AKAP13: variants seen among roughly 807,000 people sequenced by gnomAD.
AKAP13 encodes the protein A-kinase anchor protein 13.
A neutral mutation model predicts 264.5 loss-of-function variants in AKAP13; 80 were observed. The observed-to-expected ratio is 0.30, with a 90% confidence interval of 0.25 to 0.36. AKAP13 has a LOEUF of 0.36. AKAP13 is among the 10% of genes least tolerant of loss of function. AKAP13 has a pLI of 1.00. For missense variants in AKAP13, 3,712 were observed against 3,435.2 expected (o/e 1.08, Z -2.01); for synonymous variants, 1,380 against 1,250.2 (o/e 1.10, Z -2.19).
intron 1 of AKAP13, among the ~76,000 whole-genome samples, chr15:85,435,501 A>G (rs1160643906): frequency 2.2e-4 from 16 of 74,186 alleles, no homozygotes; most frequent in African/African-American, 8.8e-4. Flanking sequence ...AGCAACTCCA[A>G]GACACATAAT....
chr15:85,657,950 A>AT (rs1663739975), intron 11 of AKAP13, among the ~76,000 whole-genome samples: 1 of 152,128 alleles, frequency 6.6e-6, no homozygotes, highest in South Asian at 2.1e-4. Context: ...TGTGTCTGTC[A>AT]TGTAGCTCAG....
chr15:85,536,171 T>G (rs1393101526), intron 4 of AKAP13: 1 of 152,078 alleles, frequency 6.6e-6, no homozygotes, highest in South Asian at 2.1e-4. Context: ...AATTTTTTTT[T>G]GTACTGTCAG....
chr15:85,696,744 GC>G, intron 17 of AKAP13, among the ~76,000 whole-genome samples: 1 of 152,172 alleles, frequency 6.6e-6, no homozygotes, highest in African/African-American at 2.4e-5. Flanking sequence ...AGCTGAACCT[GC>G]CAAATAGAAA....
intron 8 of AKAP13, among the ~76,000 whole-genome samples, chr15:85,613,070 C>G (rs894605534): frequency 1.3e-5 from 2 of 151,940 alleles, no homozygotes; most frequent in Admixed American, 1.3e-4. Context: ...TGTGGTCATG[C>G]TAAAAAGAAA....
At position 85,749,098 on chromosome 15, in the gene AKAP13, T is replaced by C. The variant is rs2151799455; in HGVS notation, c.*4421T>C. The C allele has an allele frequency of 6.6e-6, 1 of 152,362 alleles. No homozygotes were observed. Among genetic ancestry groups the C allele is most frequent in the South Asian group, 2.1e-4 (1 of 4,830 alleles). 9.4% of individuals were successfully genotyped at this position (152,362 alleles called of 1,614,324 possible). On this transcript the variant is annotated 3_prime_UTR_variant, in exon 37 of 37. Transcript: ENST00000394518. ...TCTGCTCTCATTGCTTGTTTGCAAATGCTCTATGGACATTTGTGTGCTAAA... is the reference window on the plus strand; with the variant it reads ...TCTGCTCTCATTGCTTGTTTGCAAACGCTCTATGGACATTTGTGTGCTAAA...
At chr15:85,491,129 AT>A (rs2075709631) in intron 2 of AKAP13, among the ~76,000 whole-genome samples, 1 of 152,062 alleles carries the variant, frequency 6.6e-6, no homozygotes, top group African/African-American at 2.4e-5. Flanking sequence ...GAGGTTGGAG[AT>A]TTAGGGAGGA....
intron 5 of AKAP13, among the ~76,000 whole-genome samples, chr15:85,574,362 T>C (rs2078938302): frequency 6.6e-6 from 1 of 152,248 alleles, no homozygotes; most frequent in Admixed American, 6.5e-5. Context: ...GTATGCCTTC[T>C]GGATGCAAGG....
rs749353579 is a variant in AKAP13 at position 85,727,368 on chromosome 15, T to TG, written c.7005-10dup. On this transcript the variant is annotated splice_polypyrimidine_tract_variant and intron_variant, in intron 28 of 36. Transcript: ENST00000394518. The surrounding 1 kb of genome is among the most constrained non-coding windows in gnomAD (Gnocchi z 5.3). ...TAGGAATTTTTTGTTCTGTCTTGTT[T>TG]GGGTTGTATTAGGAACAGAGATGAA... The TG allele has an allele frequency of 6.2e-7, 1 of 1,614,172 alleles. No individual in the cohort carries two copies. Among genetic ancestry groups the TG allele is most frequent in the East Asian group, 2.2e-5 (1 of 44,884 alleles).
intron 14 of AKAP13, among the ~76,000 whole-genome samples, chr15:85,675,097 T>G (rs1286641264): frequency 1.3e-5 from 2 of 152,216 alleles, no homozygotes; most frequent in East Asian, 3.8e-4. Context: ...TGTTGGAAAT[T>G]TCCATATGTC....
intron 17 of AKAP13, among the ~76,000 whole-genome samples, chr15:85,705,799 A>T (rs1247708010): frequency 1.5e-5 from 2 of 136,168 alleles, no homozygotes; most frequent in African/African-American, 5.8e-5. Context: ...TCCCTGCCCC[A>T]TGCATCTTCC....
In AKAP13 at chr15:85,581,142, C is replaced by A. The variant is rs773545950; in HGVS notation, c.3074C>A (p.Ala1025Asp). The A allele has an allele frequency of 3.7e-6, 6 of 1,614,032 alleles. No homozygotes were observed. The highest frequency in any genetic ancestry group is 5.1e-6 in the Non-Finnish European group (6 of 1,179,952). Residue 1025 changes from alanine to aspartate, a missense_variant, in exon 7 of 37, where the codon GCC becomes GAC. Around this residue, in one of 3 missense-constraint regions of AKAP13, gnomAD observed 2,759 missense variants for 2,411.7 expected, o/e 1.14. Transcript: ENST00000394518. Reference protein sequence around the residue: ...QSLVPPGASLATESRQEALGA... With the variant: ...QSLVPPGASLDTESRQEALGA... ...CTGGTGCCACCAGGAGCAAGTCTGG[C>A]CACAGAGTCAAGGCAGGAAGCCTTG...
chr15:85,382,650 A>ATCC (rs1488041038), intron 1 of AKAP13, among the ~76,000 whole-genome samples: 3 of 152,106 alleles, frequency 2.0e-5, no homozygotes, highest in African/African-American at 7.2e-5. Flanking sequence ...TTGTTTTAGG[A>ATCC]TTTCTCACAC....
At chr15:85,728,925 A>G (rs2087782743) in intron 29 of AKAP13, among the ~76,000 whole-genome samples, 1 of 152,186 alleles carries the variant, frequency 6.6e-6, no homozygotes, top group East Asian at 1.9e-4. Context: ...TGGAAGTACA[A>G]AGACCATTTG....
intron 17 of AKAP13, among the ~76,000 whole-genome samples, chr15:85,699,476 T>A (rs1391830152): frequency 6.6e-6 from 1 of 152,034 alleles, no homozygotes. Context: ...TACAAAAATA[T>A]CTGAAAGGCT....
At chr15:85,557,773 A>G (rs973685457) in intron 5 of AKAP13, among the ~76,000 whole-genome samples, 1 of 152,176 alleles carries the variant, frequency 6.6e-6, no homozygotes, top group African/African-American at 2.4e-5. Flanking sequence ...CCATGCCCAC[A>G]CGACAGAACC....
chr15:85,689,832 C>T (rs1443077173), intron 16 of AKAP13: 1 of 152,232 alleles, frequency 6.6e-6, no homozygotes, highest in African/African-American at 2.4e-5. Flanking sequence ...GGGTTGTTGG[C>T]TTTAGCAGCA....
At chr15:85,473,690 A>T (rs1451891668) in intron 1 of AKAP13, among the ~76,000 whole-genome samples, 1 of 152,202 alleles carries the variant, frequency 6.6e-6, no homozygotes, top group Non-Finnish European at 1.5e-5. Flanking sequence ...CTGAAGAATG[A>T]TGGACTGCTT....
At chr15:85,457,668 T>C (rs1428447102) in intron 1 of AKAP13, among the ~76,000 whole-genome samples, 1 of 152,248 alleles carries the variant, frequency 6.6e-6, no homozygotes, top group African/African-American at 2.4e-5. Flanking sequence ...TTTTGCTTAC[T>C]ATGTCTGTCA....
intron 5 of AKAP13, among the ~76,000 whole-genome samples, chr15:85,569,726 A>G (rs1371817857): frequency 1.3e-5 from 2 of 152,062 alleles, no homozygotes; most frequent in Non-Finnish European, 2.9e-5. Context: ...GTGAGCCACC[A>G]TGCCCAGCCA....
Sources: allele counts gnomAD v4.1 joint callset (sites outside exome capture counted in the v4.1 genomes callset), GRCh38; gene constraint gnomAD v4.1.1; regional missense constraint gnomAD v4.1.1; non-coding constraint Gnocchi (gnomAD v3.1); transcripts MANE v1.5; gene names NCBI Gene and HGNC (gene_info 2026-07-23, HGNC 2026-07-21).